Variants in GALNT8 observed in about 807,000 individuals in gnomAD.
GALNT8 encodes the protein probable polypeptide N-acetylgalactosaminyltransferase 8.
In GALNT8, 66 loss-of-function variants were observed where a neutral mutation model predicts 62.7. The ratio of observed to expected loss-of-function variants is 1.05; its 90% CI spans 0.86 to 1.29. The LOEUF (loss-of-function observed/expected upper bound fraction) is 1.29. GALNT8 is among the 50% of genes most tolerant of loss of function. The probability of loss-of-function intolerance (pLI) is 0.00; values close to 1 mark genes in which losing one functional copy is unlikely to be tolerated. For synonymous variants in GALNT8, 288 were observed against 294.3 expected (o/e 0.98, Z 0.22); for missense variants, 771 against 791.8 (o/e 0.97, Z 0.32).
intron 2 of GALNT8, among the ~76,000 whole-genome samples, chr12:4,738,752 T>A (rs1946256986): frequency 6.6e-6 from 1 of 152,066 alleles, no homozygotes; most frequent in African/African-American, 2.4e-5. Context: ...AAATATAGGC[T>A]AGTTTGCCAC....
At chr12:4,762,071 C>T (rs1212928519) in intron 7 of GALNT8, among the ~76,000 whole-genome samples, 1 of 152,136 alleles carries the variant, frequency 6.6e-6, no homozygotes, top group East Asian at 1.9e-4. Flanking sequence ...TTTAAAGATA[C>T]CAAAATGCTT....
rs1012874545 is a variant in GALNT8, at chr12:4,720,567, C to T, written c.-111C>T. 3 of 762,732 alleles carry T rather than the reference C, an allele frequency of 3.9e-6. No individual in the cohort carries two copies. Among genetic ancestry groups the T allele is most frequent in the East Asian group, 2.5e-5 (1 of 39,230 alleles). The allele number at this position is 762,732 out of a possible 1,614,324, so 47.2% of individuals were successfully genotyped here. A position where few individuals can be genotyped will look rare whatever the true frequency, so the allele number is the denominator to read the frequency against. Reference sequence around the variant, plus strand: ...TCTCACACAGGGGAGACCAACTCAACTGGCACCTAGAACTCTCTTTCCCAC... The same window carrying T: ...TCTCACACAGGGGAGACCAACTCAATTGGCACCTAGAACTCTCTTTCCCAC... On this transcript the variant is annotated 5_prime_UTR_variant, in exon 1 of 11. Coordinates refer to ENST00000252318, the MANE Select transcript of GALNT8 (RefSeq NM_017417.2).
chr12:4,763,560 T>C (rs1465618391), intron 8 of GALNT8, among the ~76,000 whole-genome samples, 170 bp downstream of exon 8: 1 of 152,164 alleles, frequency 6.6e-6, no homozygotes, highest in Admixed American at 6.5e-5. Context: ...TGCTCCCCGA[T>C]CCCCATCTCT....
intron 6 of GALNT8, among the ~76,000 whole-genome samples, chr12:4,752,783 T>C (rs1946327997): frequency 6.6e-6 from 1 of 152,210 alleles, no homozygotes; most frequent in African/African-American, 2.4e-5. Flanking sequence ...TCCCTATAGA[T>C]GATTACTTAG....
rs567740627 is a variant in GALNT8 at position 4,722,084 on chromosome 12, T to G, written c.211+1196T>G. Among the ~76,000 whole-genome samples, 42 of 152,230 alleles carry G rather than the reference T, an allele frequency of 2.8e-4. No individual in the cohort carries two copies. In the South Asian group the frequency reaches 3.9e-3, roughly 14 times the overall value. On this transcript the variant is annotated intron_variant, in intron 1 of 10. Coordinates refer to ENST00000252318, the MANE Select transcript of GALNT8 (RefSeq NM_017417.2). ...CGGGGTTGGGGGTACGGTTACAGATTAACAGCATCTCAAGGCAGAAGAATT... is the reference window on the plus strand; with the variant it reads ...CGGGGTTGGGGGTACGGTTACAGATGAACAGCATCTCAAGGCAGAAGAATT...
chr12:4,765,948 T>C, intron 10 of GALNT8, among the ~76,000 whole-genome samples: 1 of 152,220 alleles, frequency 6.6e-6, no homozygotes, highest in Non-Finnish European at 1.5e-5. Flanking sequence ...GCCCAGTTAA[T>C]TTTTGTGTCT....
chr12:4,729,043 G>C (rs909364040), intron 2 of GALNT8, among the ~76,000 whole-genome samples: 6 of 152,028 alleles, frequency 3.9e-5, no homozygotes, highest in African/African-American at 1.4e-4. Context: ...TTTCAACAAT[G>C]TTTTGAGTTT....
chr12:4,747,814 T>C (rs1463897055), intron 6 of GALNT8, among the ~76,000 whole-genome samples: 1 of 152,196 alleles, frequency 6.6e-6, no homozygotes, highest in Non-Finnish European at 1.5e-5. Context: ...CCATAGTGGT[T>C]GTACTAATCT....
At chr12:4,725,828 A>G (rs1946192859) in intron 1 of GALNT8, among the ~76,000 whole-genome samples, 1 of 152,340 alleles carries the variant, frequency 6.6e-6, no homozygotes, top group Non-Finnish European at 1.5e-5. Flanking sequence ...TGCAGGGATT[A>G]CAGGCGTGAG....
chr12:4,764,878 C>A (rs1946391805), intron 9 of GALNT8, among the ~76,000 whole-genome samples: 1 of 145,964 alleles, frequency 6.9e-6, no homozygotes, highest in Non-Finnish European at 1.5e-5. Context: ...TTTTTAGGGA[C>A]AATATTCACA....
chr12:4,746,911 A>G (rs113740258), intron 6 of GALNT8, among the ~76,000 whole-genome samples: 19 of 152,156 alleles, frequency 1.2e-4, no homozygotes, highest in African/African-American at 4.1e-4. Context: ...AAGAAAGAAA[A>G]AGAAACAATA....
At chr12:4,753,064 C>G (rs926402947) in intron 6 of GALNT8, among the ~76,000 whole-genome samples, 1 of 152,046 alleles carries the variant, frequency 6.6e-6, no homozygotes, top group African/African-American at 2.4e-5. Context: ...CTGCATTGTA[C>G]GTTGTCCTCT....
intron 2 of GALNT8, among the ~76,000 whole-genome samples, chr12:4,731,155 T>C (rs1946220599): frequency 6.6e-6 from 1 of 152,168 alleles, no homozygotes; most frequent in Admixed American, 6.5e-5. Context: ...TTTTCATTTA[T>C]TTGTGTTTCT....
At chr12:4,767,778 T>A (rs1173443148) in intron 10 of GALNT8, among the ~76,000 whole-genome samples, 3 of 152,234 alleles carry the variant, frequency 2.0e-5, no homozygotes. Flanking sequence ...TACAACAAGT[T>A]ACTTTGTTTT....
chr12:4,742,224 T>C (rs1330281898), intron 3 of GALNT8, among the ~76,000 whole-genome samples: 1 of 152,250 alleles, frequency 6.6e-6, no homozygotes, highest in African/African-American at 2.4e-5. Flanking sequence ...TGTAGTACTT[T>C]TGAAATGCCA....
In GALNT8 at chr12:4,745,524, A is replaced by C; in HGVS notation, c.956A>C (p.Lys319Thr). 6.2e-7 allele frequency: 1 copy of C among 1,613,180 alleles called. No homozygotes were observed. The highest frequency in any genetic ancestry group is 2.2e-5 in the East Asian group (1 of 44,880). ...NIRFDTFKLD[K>T]YELAVDGFNW... ...CGTTTTGACACCTTCAAACTGGATA[A>C]GTATGAACTGGCAGTTGATGGGTTT... The change falls in exon 5 of 11, where the codon AAG (lysine) becomes ACG (threonine). Residue 319 changes from lysine to threonine, a missense_variant. Physicochemically the swap from Lys to Thr is moderately conservative, Grantham distance 78. Transcript: ENST00000252318.
intron 2 of GALNT8, among the ~76,000 whole-genome samples, chr12:4,734,852 C>T: frequency 6.6e-6 from 1 of 152,090 alleles, no homozygotes; most frequent in South Asian, 2.1e-4. Flanking sequence ...GTGTCCCTGG[C>T]ATTCACCTGC....
chr12:4,731,385 T>A (rs1415711180), intron 2 of GALNT8, among the ~76,000 whole-genome samples: 1 of 152,234 alleles, frequency 6.6e-6, no homozygotes, highest in African/African-American at 2.4e-5. Flanking sequence ...TAACCATTTG[T>A]AGTGGGTTCT....
In GALNT8 at chr12:4,720,424, AAAGCCGCTGAGCAACCTG is replaced by A; in HGVS notation, c.-253_-236del. The stretch of plus-strand genomic sequence containing the variant: ...TGTTATCTCCCTGAGCAACCTGTGG[AAAGCCGCTGAGCAACCTG>A]TGGAAAGCCGCTGAGCGGTTATCCT... On this transcript the variant is annotated 5_prime_UTR_variant, in exon 1 of 11. In the 5' UTR this introduces an upstream ATG that the reference lacks. Coordinates refer to ENST00000252318, the MANE Select transcript of GALNT8 (RefSeq NM_017417.2). 4.0e-6 allele frequency: 2 copies of A among 503,418 alleles called. No homozygotes were observed. Among genetic ancestry groups the A allele is most frequent in the Non-Finnish European group, 7.2e-6 (2 of 277,760 alleles). The allele number at this position is 503,418 out of a possible 1,614,324, so 31.2% of individuals were successfully genotyped here. A position where few individuals can be genotyped will look rare whatever the true frequency, so the allele number is the denominator to read the frequency against.
Sources: gnomAD v4.1 joint callset for allele counts (sites outside exome capture counted in the v4.1 genomes callset) on GRCh38, gnomAD v4.1.1 for gene constraint, MANE v1.5 for transcripts, NCBI Gene and HGNC (gene_info 2026-07-23, HGNC 2026-07-21) for gene names.